The following MRC1 variants were observed in gnomAD, a reference collection of about 807,000 sequenced individuals.
MRC1 encodes the protein macrophage mannose receptor 1.
A neutral mutation model predicts 102.9 loss-of-function variants in MRC1; 62 were observed. The observed-to-expected ratio is 0.60, with a 90% confidence interval of 0.49 to 0.74. MRC1 has a LOEUF of 0.74. Ranked by LOEUF, MRC1 falls within the 30% of genes least tolerant of loss-of-function variation. The probability of loss-of-function intolerance (pLI) is 0.00; values close to 1 mark genes in which losing one functional copy is unlikely to be tolerated. For missense variants in MRC1, 1,237 were observed against 862.8 expected (o/e 1.43, Z -5.43); for synonymous variants, 457 against 298.4 (o/e 1.53, Z -5.48).
intron 5 of MRC1, among the ~76,000 whole-genome samples, chr10:17,843,600 G>T (rs1554840008): frequency 6.6e-6 from 1 of 152,036 alleles, no homozygotes; most frequent in African/African-American, 2.4e-5. Flanking sequence ...GGAGGTGGAG[G>T]TTGCAGTGAG....
chr10:17,850,100 G>A (rs1013330925), intron 7 of MRC1, among the ~76,000 whole-genome samples: 1 of 151,780 alleles, frequency 6.6e-6, no homozygotes, highest in African/African-American at 2.4e-5. Flanking sequence ...TAATTCCTTG[G>A]AATTATCTGT....
chr10:17,860,666 G>A (rs1482730044), intron 9 of MRC1, among the ~76,000 whole-genome samples: 2 of 152,176 alleles, frequency 1.3e-5, no homozygotes, highest in Admixed American at 1.3e-4. Context: ...ATGACCAAAT[G>A]ATGTAGCTTT....
intron 10 of MRC1, among the ~76,000 whole-genome samples, chr10:17,861,982 A>T (rs1363589812): frequency 1.3e-5 from 2 of 152,306 alleles, no homozygotes; most frequent in Non-Finnish European, 2.9e-5. Context: ...ATGGACATAG[A>T]GGAGCTTATG....
chr10:17,810,290 C>G (rs1260093998), intron 1 of MRC1, among the ~76,000 whole-genome samples: 1 of 152,082 alleles, frequency 6.6e-6, no homozygotes, highest in East Asian at 1.9e-4. Flanking sequence ...ATTCCTGGTT[C>G]TATTTGGAGA....
chr10:17,824,542 A>G (rs1838444995), intron 2 of MRC1, among the ~76,000 whole-genome samples: 1 of 152,212 alleles, frequency 6.6e-6, no homozygotes, highest in Non-Finnish European at 1.5e-5. Context: ...GTAGGAATTG[A>G]AGTACGGTGA....
chr10:17,880,618 T>C lies in MRC1; in HGVS notation c.2813T>C (p.Met938Thr), dbSNP rs921365716. ...SINATTVMPTMPSVPSGCKEG... is the reference protein window; with the variant it reads ...SINATTVMPTTPSVPSGCKEG... The stretch of plus-strand genomic sequence containing the variant: ...AATGCTACCACAGTTATGCCTACCA[T>C]GCCCTCGGTCCCATCAGGGTGCAAG... The change falls in exon 20 of 30, where the codon ATG becomes ACG. Residue 938 changes from methionine to threonine, a missense_variant. Physicochemically the swap from Met to Thr is moderately conservative, Grantham distance 81. Coordinates refer to ENST00000569591, the MANE Select transcript of MRC1 (RefSeq NM_002438.4). 9.0e-6 allele frequency: 7 copies of C among 780,748 alleles called. No homozygotes were observed. In the African/African-American group the frequency reaches 1.2e-4, roughly 13 times the overall value. 48.4% of individuals were successfully genotyped at this position (780,748 alleles called of 1,614,324 possible).
At chr10:17,855,613 C>A (rs1476937471) in intron 8 of MRC1, among the ~76,000 whole-genome samples, 1 of 143,642 alleles carries the variant, frequency 7.0e-6, no homozygotes, top group Non-Finnish European at 1.5e-5. Flanking sequence ...TGCATGCAAA[C>A]CTCTTGCGAG....
Position 17,819,410 on chromosome 10 carries a change from GC to G in MRC1, c.62-3663del, listed in dbSNP as rs1210003896. Among the ~76,000 whole-genome samples, 3 of 151,660 alleles carry G rather than the reference GC, an allele frequency of 2.0e-5. No homozygotes were observed. The East Asian group carries it at 5.8e-4, about 29-fold the overall frequency. On this transcript the variant is annotated intron_variant, in intron 1 of 29. Coordinates refer to ENST00000569591, the MANE Select transcript of MRC1 (RefSeq NM_002438.4). ...CTGGGATGGTGTAAATGGAGTTGGA[GC>G]AAAGAGAATGAATTAGGGTATATGT...
At chr10:17,864,548 G>T (rs1344537071) in intron 11 of MRC1, among the ~76,000 whole-genome samples, 1 of 151,934 alleles carries the variant, frequency 6.6e-6, no homozygotes, top group Non-Finnish European at 1.5e-5. Context: ...AGAAGTGGAG[G>T]TCGGCCGCGG....
At position 17,877,954 on chromosome 10, in the gene MRC1, G is replaced by T; in HGVS notation, c.2605G>T (p.Asp869Tyr). ...TTTTATTGGTTTATTGATCAGCTTG[G>T]ATAAAAAGTTTGCGTAAGTAAATCA... ...AYFIGLLISL[D>Y]KKFAWMDGSK... Residue 869 changes from aspartate (D) to tyrosine (Y), a missense_variant, in exon 18 of 30, where the codon GAT becomes TAT. Transcript: ENST00000569591. 1 of 872,148 alleles carries T rather than the reference G, an allele frequency of 1.1e-6. No homozygotes were observed. The highest frequency in any genetic ancestry group is 2.2e-4 in the Middle Eastern group (1 of 4,598). The allele number at this position is 872,148 out of a possible 1,614,324, so 54.0% of individuals were successfully genotyped here. A position where few individuals can be genotyped will look rare whatever the true frequency, so the allele number is the denominator to read the frequency against.
rs1334777686 is a variant in MRC1 at position 17,910,972 on chromosome 10, A to C, written c.*507A>C. 7 of 173,120 alleles carry C rather than the reference A, an allele frequency of 4.0e-5. No homozygotes were observed. The highest frequency in any genetic ancestry group is 1.7e-4 in the African/African-American group (7 of 41,556). The allele number at this position is 173,120 out of a possible 1,614,324, so 10.7% of individuals were successfully genotyped here. ...TTTAGAACTTTATTTGTACATGTGC[A>C]GAAGAATAAGGCAGCTGAGAATCTT... is the stretch of plus-strand genomic sequence containing the variant. On this transcript the variant is annotated 3_prime_UTR_variant, in exon 30 of 30. Coordinates refer to ENST00000569591, the MANE Select transcript of MRC1 (RefSeq NM_002438.4).
Position 17,877,967 on chromosome 10 carries a change from C to A in MRC1, c.2618C>A (p.Ala873Asp). ...TTGATCAGCTTGGATAAAAAGTTTG[C>A]GTAAGTAAATCAAGCTAAAAACAAC... Reference protein sequence around the residue: ...GLLISLDKKFAWMDGSKVDYV... With the variant: ...GLLISLDKKFDWMDGSKVDYV... Residue 873 changes from alanine to aspartate, a missense_variant and splice_region_variant, in exon 18 of 30, where the codon GCT becomes GAT. Physicochemically the swap from Ala to Asp is moderately radical, Grantham distance 126 (BLOSUM62 -2). Coordinates refer to ENST00000569591, the MANE Select transcript of MRC1 (RefSeq NM_002438.4). 1.1e-6 allele frequency: 1 copy of A among 871,892 alleles called. No individual in the cohort carries two copies. Among genetic ancestry groups the A allele is most frequent in the Non-Finnish European group, 2.0e-6 (1 of 501,104 alleles). The allele number at this position is 871,892 out of a possible 1,614,324, so 54.0% of individuals were successfully genotyped here.
At chr10:17,881,370 A>G (rs952614245) in intron 21 of MRC1, among the ~76,000 whole-genome samples, 189 bp downstream of exon 21, 2 of 152,240 alleles carry the variant, frequency 1.3e-5, no homozygotes, top group Admixed American at 6.5e-5. Context: ...TTTATTTTAT[A>G]TAAAGTCATC....
chr10:17,850,497 C>T (rs1838898486), intron 7 of MRC1, among the ~76,000 whole-genome samples: 3 of 152,046 alleles, frequency 2.0e-5, no homozygotes, highest in African/African-American at 7.2e-5. Context: ...ATTAAAAATA[C>T]ACAGAAAATG....
intron 1 of MRC1, among the ~76,000 whole-genome samples, chr10:17,810,121 C>T (rs1431384250): frequency 6.6e-6 from 1 of 152,106 alleles, no homozygotes; most frequent in Admixed American, 6.6e-5. Flanking sequence ...ATAAGCAGAT[C>T]GATTCCTGTT....
At chr10:17,835,684 T>G (rs1838651787) in intron 4 of MRC1, among the ~76,000 whole-genome samples, 1 of 152,112 alleles carries the variant, frequency 6.6e-6, no homozygotes, top group Non-Finnish European at 1.5e-5. Context: ...TGCAACAAAA[T>G]AAAAATACTT....
intron 5 of MRC1, among the ~76,000 whole-genome samples, chr10:17,842,256 G>A (rs954564178): frequency 0.028 from 4,203 of 152,230 alleles, 206 homozygotes; most frequent in East Asian, 0.17. Context: ...GAGCCACTGC[G>A]CCTGGCGAAA....
chr10:17,866,723 G>T lies in MRC1; in HGVS notation c.1945G>T (p.Asp649Tyr), dbSNP rs1223239768. 2.6e-6 allele frequency: 2 copies of T among 780,714 alleles called. No homozygotes were observed. The highest frequency in any genetic ancestry group is 4.8e-6 in the Non-Finnish European group (2 of 417,970). 48.4% of individuals were successfully genotyped at this position (780,714 alleles called of 1,614,324 possible). A position where few individuals can be genotyped will look rare whatever the true frequency, so the allele number is the denominator to read the frequency against. Residue 649 changes from aspartate (D) to tyrosine (Y), a missense_variant, in exon 12 of 30, where the codon GAT becomes TAT. Physicochemically the swap from Asp to Tyr is radical, Grantham distance 160 (BLOSUM62 -3). Transcript: ENST00000569591. ...TTTPEPKCPE[D>Y]WGASSRTSLC... ...GACTCCCGAACCCAAATGTCCGGAGGATTGGGGCGCCAGCAGTAGAACAAG... is the reference window on the plus strand; with the variant it reads ...GACTCCCGAACCCAAATGTCCGGAGTATTGGGGCGCCAGCAGTAGAACAAG...
chr10:17,839,202 CA>C (rs1564614109), intron 4 of MRC1, among the ~76,000 whole-genome samples: 1 of 152,112 alleles, frequency 6.6e-6, no homozygotes, highest in Non-Finnish European at 1.5e-5. Context: ...TAAAAGATGT[CA>C]AAAGGTAATT....
Sources: gnomAD v4.1 joint callset for allele counts (sites outside exome capture counted in the v4.1 genomes callset) on GRCh38, gnomAD v4.1.1 for gene constraint, MANE v1.5 for transcripts, NCBI Gene and HGNC (gene_info 2026-07-23, HGNC 2026-07-21) for gene names.